The following RUNX2 variants were observed in gnomAD, a reference collection of about 807,000 sequenced individuals.
The protein encoded by RUNX2 is runt-related transcription factor 2.
Under a neutral mutation model 51.7 loss-of-function variants are expected in RUNX2, and 10 were observed. The ratio of observed to expected loss-of-function variants is 0.19; its 90% CI spans 0.12 to 0.33. RUNX2 has a LOEUF of 0.33. RUNX2 is among the 10% of genes least tolerant of loss of function. RUNX2 has a pLI of 1.00. For synonymous variants in RUNX2, 276 were observed against 273.6 expected, an observed-to-expected ratio of 1.01 and a Z score of -0.09; for missense variants, 562 against 691.3, an observed-to-expected ratio of 0.81 and a Z score of 2.10.
intron 2 of RUNX2, among the ~76,000 whole-genome samples, chr6:45,391,480 A>T (rs1272689329): frequency 6.6e-6 from 1 of 152,116 alleles, no homozygotes; most frequent in Non-Finnish European, 1.5e-5. Flanking sequence ...TTTTTTCTTT[A>T]TAAATTACCC....
intron 7 of RUNX2, among the ~76,000 whole-genome samples, chr6:45,530,856 A>G (rs1253725457): frequency 1.3e-5 from 2 of 152,238 alleles, no homozygotes; most frequent in African/African-American, 4.8e-5. Flanking sequence ...AATTAAGTGC[A>G]GGGGAAGATG....
intron 2 of RUNX2, among the ~76,000 whole-genome samples, chr6:45,407,800 CA>C (rs1455839630): frequency 6.6e-6 from 1 of 151,976 alleles, no homozygotes; most frequent in Non-Finnish European, 1.5e-5. Flanking sequence ...GTGTCCAGCC[CA>C]AAATAATATT....
At chr6:45,480,871 C>T (rs1215577194) in intron 5 of RUNX2, among the ~76,000 whole-genome samples, 2 of 152,094 alleles carry the variant, frequency 1.3e-5, no homozygotes, top group East Asian at 1.9e-4. Context: ...CTTTTTTCTT[C>T]CTCTGTGATC....
chr6:45,534,489 G>A (rs1300649579), intron 7 of RUNX2, among the ~76,000 whole-genome samples: 1 of 152,170 alleles, frequency 6.6e-6, no homozygotes, highest in Non-Finnish European at 1.5e-5. Context: ...TGATTTTTGA[G>A]AGGTAGGTTG....
At chr6:45,476,638 G>C (rs1799963478) in intron 5 of RUNX2, among the ~76,000 whole-genome samples, 1 of 152,152 alleles carries the variant, frequency 6.6e-6, no homozygotes, top group African/African-American at 2.4e-5. Context: ...ACATGACTAA[G>C]ATTGAACTCA....
At position 45,463,436 on chromosome 6, in the gene RUNX2, A is replaced by G. The variant is rs796357478; in HGVS notation, c.685+25385A>G. Among the ~76,000 whole-genome samples, 4 of 152,350 alleles carry G rather than the reference A, an allele frequency of 2.6e-5. No individual in the cohort carries two copies. The South Asian group carries it at 6.2e-4, about 24-fold the overall frequency. On this transcript the variant is annotated intron_variant, in intron 5 of 8. Transcript: ENST00000647337. The stretch of plus-strand genomic sequence containing the variant: ...CATTTTAGGTGACCTTATTATTCCA[A>G]AACAAGGAGATATTTTCTTTCTAGC...
intron 2 of RUNX2, among the ~76,000 whole-genome samples, chr6:45,380,579 TTTA>T (rs1235058591): frequency 6.6e-6 from 1 of 152,046 alleles, no homozygotes; most frequent in Non-Finnish European, 1.5e-5. Flanking sequence ...GTGGTTTCTT[TTTA>T]TTATTATTTT....
intron 3 of RUNX2, among the ~76,000 whole-genome samples, chr6:45,431,140 A>G (rs550613308): frequency 9.8e-5 from 15 of 152,346 alleles, no homozygotes; most frequent in African/African-American, 3.1e-4. Flanking sequence ...GCAGTCAAGT[A>G]TGTCATTCCA....
chr6:45,441,740 T>G (rs1798847432), intron 5 of RUNX2, among the ~76,000 whole-genome samples: 1 of 152,236 alleles, frequency 6.6e-6, no homozygotes, highest in Admixed American at 6.5e-5. Flanking sequence ...AAATTATGCC[T>G]GAGCAGATAT....
At chr6:45,533,085 T>C (rs1364124308) in intron 7 of RUNX2, among the ~76,000 whole-genome samples, 2 of 152,072 alleles carry the variant, frequency 1.3e-5, no homozygotes, top group African/African-American at 4.8e-5. Context: ...GTGGCGAGTT[T>C]ATTACTATAG....
At chr6:45,466,631 T>C (rs911284014) in intron 5 of RUNX2, among the ~76,000 whole-genome samples, 17 of 152,250 alleles carry the variant, frequency 1.1e-4, no homozygotes, top group East Asian at 3.8e-4. Flanking sequence ...CCTTCCAGTA[T>C]TCTAATGCTG....
intron 7 of RUNX2, among the ~76,000 whole-genome samples, chr6:45,534,651 C>A (rs759516845): frequency 1.2e-4 from 19 of 152,176 alleles, no homozygotes; most frequent in Non-Finnish European, 2.5e-4. Context: ...CCGCAACTAA[C>A]CTGAACCCTC....
At chr6:45,496,957 A>G (rs747158650) in intron 6 of RUNX2, among the ~76,000 whole-genome samples, 4 of 152,118 alleles carry the variant, frequency 2.6e-5, no homozygotes, top group Non-Finnish European at 4.4e-5. Flanking sequence ...ACAGGACTTC[A>G]GAGTTTTGAC....
chr6:45,364,908 C>T (rs1221816202), intron 2 of RUNX2, among the ~76,000 whole-genome samples: 2 of 152,132 alleles, frequency 1.3e-5, no homozygotes, highest in African/African-American at 2.4e-5. Flanking sequence ...ATAAACAATA[C>T]ATAACACAGA....
At chr6:45,354,457 T>A (rs779691756) in intron 2 of RUNX2, among the ~76,000 whole-genome samples, 1 of 152,270 alleles carries the variant, frequency 6.6e-6, no homozygotes, top group South Asian at 2.1e-4. Context: ...AAAGGAATCA[T>A]AGATGCTTTT....
chr6:45,370,362 T>C (rs1283442926), intron 2 of RUNX2, among the ~76,000 whole-genome samples: 6 of 152,046 alleles, frequency 3.9e-5, no homozygotes, highest in Non-Finnish European at 8.8e-5. Flanking sequence ...GGTGGTGCCA[T>C]TTACTGAGAT....
At chr6:45,373,642 C>A (rs1468155702) in intron 2 of RUNX2, among the ~76,000 whole-genome samples, 1 of 152,086 alleles carries the variant, frequency 6.6e-6, no homozygotes, top group Non-Finnish European at 1.5e-5. Flanking sequence ...CCTCCGCCTC[C>A]CGGGTTCAAG....
In RUNX2 at chr6:45,507,876, G is replaced by A. The variant is rs186099847; in HGVS notation, c.860-4370G>A. ...TATAAAATGAAGGTTCAGTAAGATA[G>A]AGTCTTTAACTGTGGGAAACATTTA... On this transcript the variant is annotated intron_variant, in intron 6 of 8. Transcript: ENST00000647337. Among the ~76,000 whole-genome samples, 3 of 152,332 alleles carry A rather than the reference G, an allele frequency of 2.0e-5. No individual in the cohort carries two copies. In the East Asian group the frequency reaches 5.8e-4, roughly 29 times the overall value.
chr6:45,424,413 G>A (rs918304701), intron 3 of RUNX2, among the ~76,000 whole-genome samples: 1 of 152,248 alleles, frequency 6.6e-6, no homozygotes, highest in African/African-American at 2.4e-5. Flanking sequence ...TGGTAAGCCA[G>A]ACGTGGAGAT....
Sources: allele counts gnomAD v4.1 joint callset (sites outside exome capture counted in the v4.1 genomes callset), GRCh38; gene constraint gnomAD v4.1.1; transcripts MANE v1.5; gene names NCBI Gene and HGNC (gene_info 2026-07-23, HGNC 2026-07-21).